The following ELAPOR1 variants were observed in gnomAD, a reference collection of about 807,000 sequenced individuals.
The protein encoded by ELAPOR1 is endosome/lysosome-associated apoptosis and autophagy regulator 1.
A neutral mutation model predicts 119.7 loss-of-function variants in ELAPOR1; 77 were observed. That is an observed-to-expected ratio of 0.64 (90% CI 0.54 to 0.78). The LOEUF (loss-of-function observed/expected upper bound fraction) is 0.78. Ranked by LOEUF, ELAPOR1 falls within the 30% of genes least tolerant of loss-of-function variation. ELAPOR1 has a pLI of 0.00. For synonymous variants in ELAPOR1, 481 were observed against 487.2 expected, an observed-to-expected ratio of 0.99 and a Z score of 0.17; for missense variants, 1,115 against 1,270.4, an observed-to-expected ratio of 0.88 and a Z score of 1.86.
chr1:109,152,807 A>T (rs549208059), intron 1 of ELAPOR1, among the ~76,000 whole-genome samples: 1 of 151,546 alleles, frequency 6.6e-6, no homozygotes, highest in South Asian at 2.1e-4. Flanking sequence ...TTAGCCAGGC[A>T]TGGTGGTGCA....
At chr1:109,118,900 C>CTTTT (rs777752743) in intron 1 of ELAPOR1, among the ~76,000 whole-genome samples, 16 of 128,210 alleles carry the variant, frequency 1.2e-4, no homozygotes, top group Non-Finnish European at 2.4e-4. Context: ...TTTGGTTCTT[C>CTTTT]TTTTTTTTTT....
intron 7 of ELAPOR1, among the ~76,000 whole-genome samples, chr1:109,177,228 C>CG (rs1354062191): frequency 2.7e-5 from 3 of 111,274 alleles, no homozygotes; most frequent in Admixed American, 8.7e-5. Context: ...GCTGGCCGGG[C>CG]GGGGGGCTGA....
chr1:109,186,692 C>T, intron 8 of ELAPOR1: 1 of 985,516 alleles, frequency 1.0e-6, no homozygotes, highest in East Asian at 1.1e-4. Flanking sequence ...AGCCAACTCA[C>T]TAATAAAAGG....
intron 8 of ELAPOR1, chr1:109,186,789 C>G: frequency 1.0e-6 from 1 of 985,642 alleles, no homozygotes; most frequent in Non-Finnish European, 1.2e-6. Flanking sequence ...GCCCCATTCT[C>G]TTCCCTCCCT....
At chr1:109,122,827 T>A (rs1648533043) in intron 1 of ELAPOR1, among the ~76,000 whole-genome samples, 2 of 152,100 alleles carry the variant, frequency 1.3e-5, no homozygotes, top group African/African-American at 4.8e-5. Context: ...CATGATGGTG[T>A]GCCCCTGTGG....
At chr1:109,174,723 C>CT (rs1002620078) in intron 7 of ELAPOR1, among the ~76,000 whole-genome samples, 73 of 147,736 alleles carry the variant, frequency 4.9e-4, no homozygotes, top group Admixed American at 2.0e-3. Context: ...GGTTGCAATC[C>CT]TTTTTTTTTT....
At chr1:109,138,296 T>A (rs1452236064) in intron 1 of ELAPOR1, among the ~76,000 whole-genome samples, 1 of 152,200 alleles carries the variant, frequency 6.6e-6, no homozygotes, top group Non-Finnish European at 1.5e-5. Context: ...TGGTGATGGC[T>A]GAGGGTGCGT....
intron 1 of ELAPOR1, among the ~76,000 whole-genome samples, chr1:109,154,610 C>T (rs1650755547): frequency 6.6e-6 from 1 of 152,198 alleles, no homozygotes; most frequent in Non-Finnish European, 1.5e-5. Flanking sequence ...TCCAGACAGT[C>T]TGGGCCATCC....
chr1:109,185,071 C>G lies in ELAPOR1; in HGVS notation c.979C>G (p.Arg327Gly). The G allele has an allele frequency of 1.2e-6, 2 of 1,614,060 alleles. No individual in the cohort carries two copies. The highest frequency in any genetic ancestry group is 1.7e-6 in the Non-Finnish European group (2 of 1,179,922). ...SEKGSSSCNV[R>G]PACTDKDYFY... is the part of the protein sequence containing the mutation. ...GAAAGGATCTTCTTCCTGTAACGTG[C>G]GCCCAGCTTGCACAGACAAAGATTA... Residue 327 changes from arginine to glycine, a missense_variant, in exon 8 of 22, where the codon CGC (arginine) becomes GGC (glycine). Physicochemically the swap from Arg to Gly is moderately radical, Grantham distance 125. Coordinates refer to ENST00000369939, the MANE Select transcript of ELAPOR1 (RefSeq NM_020775.5).
intron 3 of ELAPOR1, among the ~76,000 whole-genome samples, chr1:109,169,156 C>T (rs531794816): frequency 9.2e-5 from 14 of 152,252 alleles, no homozygotes; most frequent in African/African-American, 3.1e-4. Context: ...ATAACACTGA[C>T]TGTCAAAGAG....
At chr1:109,200,684 C>G (rs1313716284) in intron 20 of ELAPOR1, 51 bp from the exon 21 acceptor site, 2 of 1,572,384 alleles carry the variant, frequency 1.3e-6, no homozygotes, top group Non-Finnish European at 1.7e-6. Flanking sequence ...CCTCTTTCCC[C>G]CTTATTCCCA....
intron 7 of ELAPOR1, among the ~76,000 whole-genome samples, chr1:109,183,563 T>TCCTC (rs1652857039): frequency 3.4e-5 from 1 of 29,530 alleles, no homozygotes; most frequent in Non-Finnish European, 9.4e-5. Flanking sequence ...CTTCCTTCCT[T>TCCTC]CCTTCCTTCC....
Position 109,145,468 on chromosome 1 carries a change from C to T in ELAPOR1, c.154-16426C>T, listed in dbSNP as rs565327518. Reference sequence around the variant, plus strand: ...ATCAGGTGTTTGAGACCAGCATGGTCAACATGGCGAAACCCTGTCTCTACT... The same window carrying T: ...ATCAGGTGTTTGAGACCAGCATGGTTAACATGGCGAAACCCTGTCTCTACT... On this transcript the variant is annotated intron_variant, in intron 1 of 21. Transcript: ENST00000369939. Among the ~76,000 whole-genome samples the T allele has an allele frequency of 7.9e-5, 12 of 152,120 alleles. 1 individual carries two copies. Among genetic ancestry groups the T allele is most frequent in the African/African-American group, 2.9e-4 (12 of 41,512 alleles).
chr1:109,194,348 A>G (rs938505476), intron 14 of ELAPOR1, 73 bp from the exon 15 acceptor site: 1 of 1,405,478 alleles, frequency 7.1e-7, no homozygotes, highest in African/African-American at 1.4e-5. Context: ...GGGGGAGAAA[A>G]CTGCTACTCT....
intron 20 of ELAPOR1, 74 bp from the exon 21 acceptor site, chr1:109,200,661 C>G: frequency 6.9e-7 from 1 of 1,457,346 alleles, no homozygotes; most frequent in Non-Finnish European, 9.5e-7. Context: ...CTGTTCATAG[C>G]CTAACCTCTC....
chr1:109,118,584 C>T (rs1648178169), intron 1 of ELAPOR1, among the ~76,000 whole-genome samples: 1 of 152,136 alleles, frequency 6.6e-6, no homozygotes, highest in South Asian at 2.1e-4. Context: ...CAGTGGAATA[C>T]ATGGAAAGGC....
chr1:109,173,672 T>C lies in ELAPOR1; in HGVS notation c.803-16T>C. The C allele has an allele frequency of 6.2e-7, 1 of 1,613,680 alleles. No individual in the cohort carries two copies. Among genetic ancestry groups the C allele is most frequent in the Non-Finnish European group, 8.5e-7 (1 of 1,179,764 alleles). On this transcript the variant is annotated splice_polypyrimidine_tract_variant and intron_variant, in intron 6 of 21. Coordinates refer to ENST00000369939, the MANE Select transcript of ELAPOR1 (RefSeq NM_020775.5). Reference sequence around the variant, plus strand: ...AGGCTGAATCCTTGCTTTTCTGTGCTCTTCCTCCTCCCTAGGGGTGGCCTA... The same window carrying C: ...AGGCTGAATCCTTGCTTTTCTGTGCCCTTCCTCCTCCCTAGGGGTGGCCTA...
chr1:109,173,335 C>A, intron 5 of ELAPOR1, 139 bp from the exon 6 acceptor site: 1 of 709,864 alleles, frequency 1.4e-6, no homozygotes, highest in East Asian at 2.5e-5. Context: ...AAGGACAGAG[C>A]TGAGGAAGAG....
intron 1 of ELAPOR1, among the ~76,000 whole-genome samples, chr1:109,132,898 T>C (rs1649234966): frequency 6.6e-6 from 1 of 152,042 alleles, no homozygotes; most frequent in Non-Finnish European, 1.5e-5. Context: ...GTCAAAATAG[T>C]AAAATCTAAA....
Sources: gnomAD v4.1 joint callset for allele counts (sites outside exome capture counted in the v4.1 genomes callset) on GRCh38, gnomAD v4.1.1 for gene constraint, MANE v1.5 for transcripts, NCBI Gene and HGNC (gene_info 2026-07-23, HGNC 2026-07-21) for gene names.